UGP2: variants seen among roughly 807,000 people sequenced by gnomAD.
UGP2 encodes the protein UTP--glucose-1-phosphate uridylyltransferase.
Under a neutral mutation model 49.0 loss-of-function variants are expected in UGP2, and 40 were observed. The ratio of observed to expected loss-of-function variants is 0.82; its 90% confidence interval spans 0.63 to 1.06. The LOEUF is 1.06. UGP2 is among the 50% of genes least tolerant of loss of function. The pLI, the probability that UGP2 is intolerant of heterozygous loss-of-function variation, is 0.00. For synonymous variants in UGP2, 225 were observed against 213.0 expected (o/e 1.06, Z -0.49); for missense variants, 460 against 603.5 (o/e 0.76, Z 2.49).
At chr2:63,856,762 T>TC (rs1468167821) in intron 2 of UGP2, 4 of 469,704 alleles carry the variant, frequency 8.5e-6, no homozygotes, top group African/African-American at 7.9e-5. Context: ...GAAGTTAGCT[T>TC]CATATGTCCT....
chr2:63,853,507 A>G (rs988008610), intron 1 of UGP2, among the ~76,000 whole-genome samples: 2 of 152,064 alleles, frequency 1.3e-5, no homozygotes, highest in African/African-American at 2.4e-5. Context: ...AGTATCTCTC[A>G]TTGTGGGTTT....
At chr2:63,877,954 C>T (rs1306383028) in intron 3 of UGP2, among the ~76,000 whole-genome samples, 2 of 137,934 alleles carry the variant, frequency 1.4e-5, no homozygotes, top group Non-Finnish European at 3.0e-5. Context: ...GATTGCGCCA[C>T]TGCAGTCCGC....
rs1171727778 is a variant in UGP2, at chr2:63,889,985, G to GT, written c.1315-93dup. 4 of 930,792 alleles carry GT rather than the reference G, an allele frequency of 4.3e-6. No homozygotes were observed. In the East Asian group the frequency reaches 1.0e-4, roughly 24 times the overall value. The allele number at this position is 930,792 out of a possible 1,614,324, so 57.7% of individuals were successfully genotyped here. On this transcript the variant is annotated intron_variant, in intron 8 of 9. Transcript: ENST00000337130. ...GAGGACCTGAGCTTTGCCAAAAAAG[G>GT]TTTCTACAGTTCAGTTAAACTTTCT...
chr2:63,888,638 C>T (rs1276053362), intron 8 of UGP2: 1 of 152,282 alleles, frequency 6.6e-6, no homozygotes, highest in Non-Finnish European at 1.5e-5. Flanking sequence ...TATCCACACT[C>T]ATACTGGGAC....
chr2:63,882,115 T>C (rs1460342566), intron 3 of UGP2, among the ~76,000 whole-genome samples: 2 of 152,220 alleles, frequency 1.3e-5, no homozygotes, highest in African/African-American at 4.8e-5. Flanking sequence ...AATAAATGAC[T>C]TGATCATTTG....
chr2:63,842,399 T>C, intron 1 of UGP2, 195 bp downstream of exon 1: 2 of 1,588,894 alleles, frequency 1.3e-6, no homozygotes, highest in Non-Finnish European at 8.5e-7. Context: ...TTTATGCTCC[T>C]GTACCCTGCT....
chr2:63,854,348 C>T (rs1374673688), intron 1 of UGP2, among the ~76,000 whole-genome samples: 1 of 152,216 alleles, frequency 6.6e-6, no homozygotes, highest in Non-Finnish European at 1.5e-5. Flanking sequence ...GGACAAAACA[C>T]TTCATGAGGT....
chr2:63,862,628 G>A (rs1209737320), intron 3 of UGP2, among the ~76,000 whole-genome samples: 1 of 152,046 alleles, frequency 6.6e-6, no homozygotes, highest in Non-Finnish European at 1.5e-5. Context: ...TTTATTGTTG[G>A]ACCAGGGTCT....
In UGP2 at chr2:63,882,598, AT is replaced by A; in HGVS notation, c.390del (p.Ile130MetfsTer3). 6.2e-7 allele frequency: 1 copy of A among 1,609,524 alleles called. No homozygotes were observed. Among genetic ancestry groups the A allele is most frequent in the East Asian group, 2.2e-5 (1 of 44,738 alleles). The part of the protein sequence containing the change: ...SMGCKGPKSL[I>X]GVRNENTFLD... ...GGGCTGCAAAGGCCCTAAAAGTCTG[AT>A]TGGTGTGAGGAATGAGAATACCTTT... On this transcript the variant is annotated frameshift_variant, in exon 4 of 10. Coordinates refer to ENST00000337130, the MANE Select transcript of UGP2 (RefSeq NM_006759.4). LOFTEE classifies it high-confidence loss of function.
At chr2:63,846,176 T>A (rs1671919144) in intron 1 of UGP2, 1 of 152,222 alleles carries the variant, frequency 6.6e-6, no homozygotes, top group African/African-American at 2.4e-5. Context: ...TAAATGGATG[T>A]GAGTACCATC....
rs1354533097 is a variant in UGP2 at position 63,889,844 on chromosome 2, G to A, written c.1315-237G>A. The A allele has an allele frequency of 1.0e-5, 4 of 385,130 alleles. No individual in the cohort carries two copies. The East Asian group carries it at 1.4e-4, about 14-fold the overall frequency. The allele number at this position is 385,130 out of a possible 1,614,324, so 23.9% of individuals were successfully genotyped here. A position where few individuals can be genotyped will look rare whatever the true frequency, so the allele number is the denominator to read the frequency against. On this transcript the variant is annotated intron_variant, in intron 8 of 9. Transcript: ENST00000337130. ...AAAAAAAAAAGAAAAAAAACCCTTA[G>A]ATCTGCTCAACTATCTTGTAAATTG...
At chr2:63,883,623 C>CACAA (rs1324273710) in intron 4 of UGP2, among the ~76,000 whole-genome samples, 2 of 152,206 alleles carry the variant, frequency 1.3e-5, no homozygotes, top group Non-Finnish European at 2.9e-5. Context: ...TGTGGCTGTA[C>CACAA]ACAAGCTCCA....
At chr2:63,880,552 A>G (rs1671234793) in intron 3 of UGP2, among the ~76,000 whole-genome samples, 1 of 152,168 alleles carries the variant, frequency 6.6e-6, no homozygotes, top group African/African-American at 2.4e-5. Context: ...TTCTACTGTC[A>G]TCTACTCTTA....
At position 63,880,184 on chromosome 2, in the gene UGP2, C is replaced by T. The variant is rs1461944626; in HGVS notation, c.256-2282C>T. On this transcript the variant is annotated intron_variant, in intron 3 of 9. Transcript: ENST00000337130. Reference sequence around the variant, plus strand: ...TCCCCCTTCCCCCTACCCCTCCCCCCTCCTCCCTCTCCTCTTTCTGACAGG... The same window carrying T: ...TCCCCCTTCCCCCTACCCCTCCCCCTTCCTCCCTCTCCTCTTTCTGACAGG... Among the ~76,000 whole-genome samples the T allele has an allele frequency of 6.1e-5, 9 of 148,460 alleles. No individual in the cohort carries two copies. The South Asian group carries it at 1.3e-3, about 22-fold the overall frequency.
intron 1 of UGP2, 42 bp from the exon 2 acceptor site, chr2:63,856,264 T>G: frequency 6.3e-7 from 1 of 1,598,202 alleles, no homozygotes; most frequent in Non-Finnish European, 8.5e-7. Flanking sequence ...TTGAATGGCT[T>G]CCTGGAGTTT....
At chr2:63,844,463 T>C (rs1185492902) in intron 1 of UGP2, among the ~76,000 whole-genome samples, 1 of 152,128 alleles carries the variant, frequency 6.6e-6, no homozygotes, top group Non-Finnish European at 1.5e-5. Flanking sequence ...TTTCTCAAGC[T>C]TTATAAGAGT....
chr2:63,846,264 G>A (rs1356208516), intron 1 of UGP2: 1 of 152,092 alleles, frequency 6.6e-6, no homozygotes, highest in African/African-American at 2.4e-5. Flanking sequence ...AGCAGCTGTG[G>A]GTTTTTGTCA....
chr2:63,880,711 G>A (rs982370078), intron 3 of UGP2, among the ~76,000 whole-genome samples: 6 of 152,170 alleles, frequency 3.9e-5, no homozygotes, highest in Admixed American at 1.3e-4. Flanking sequence ...GGTGCTTTGT[G>A]TGTGTGTTGG....
At chr2:63,865,976 C>G (rs561338320) in intron 3 of UGP2, among the ~76,000 whole-genome samples, 99 of 152,182 alleles carry the variant, frequency 6.5e-4, no homozygotes, top group African/African-American at 2.3e-3. Flanking sequence ...TTTATACAAA[C>G]TAGTGAAATG....
Sources: gnomAD v4.1 joint callset for allele counts (sites outside exome capture counted in the v4.1 genomes callset) on GRCh38, gnomAD v4.1.1 for gene constraint, MANE v1.5 for transcripts, NCBI Gene and HGNC (gene_info 2026-07-23, HGNC 2026-07-21) for gene names.